The following ZNF611 variants were observed in gnomAD, a reference collection of about 807,000 sequenced individuals.
The protein encoded by ZNF611 is zinc finger protein 611.
Under a neutral mutation model 8.9 loss-of-function variants are expected in ZNF611, and 6 were observed. The observed-to-expected ratio is 0.68, with a 90% confidence interval of 0.37 to 1.34. ZNF611 has a LOEUF of 1.34. Ranked by LOEUF, ZNF611 falls within the 40% of genes most tolerant of loss-of-function variation. The pLI is 0.02. For missense variants in ZNF611, 874 were observed against 841.3 expected (o/e 1.04, Z -0.48); for synonymous variants, 262 against 279.7 (o/e 0.94, Z 0.63).
At chr19:52,721,686 A>G (rs965006173) in intron 3 of ZNF611, among the ~76,000 whole-genome samples, 3 of 150,498 alleles carry the variant, frequency 2.0e-5, no homozygotes, top group Non-Finnish European at 4.4e-5. Context: ...GGAAAGGGAG[A>G]GAGGGAGGGA....
intron 5 of ZNF611, among the ~76,000 whole-genome samples, chr19:52,713,543 T>C (rs2062294165): frequency 6.6e-6 from 1 of 152,142 alleles, no homozygotes; most frequent in African/African-American, 2.4e-5. Flanking sequence ...ATCATTAGTT[T>C]ATGGGATGAA....
chr19:52,725,807 A>ACATGGTGG (rs903617344), intron 3 of ZNF611, among the ~76,000 whole-genome samples: 3 of 152,090 alleles, frequency 2.0e-5, no homozygotes, highest in Non-Finnish European at 4.4e-5. Flanking sequence ...GGGCCCCCGA[A>ACATGGTGG]CATGGTGGCG....
At chr19:52,715,696 C>A (rs906382553) in intron 4 of ZNF611, 136 bp downstream of exon 4, 50 of 1,397,214 alleles carry the variant, frequency 3.6e-5, no homozygotes, top group Non-Finnish European at 4.2e-5. Context: ...CTGAGAGGAA[C>A]TGAGGGCAGG....
chr19:52,718,469 C>G (rs775788879), intron 3 of ZNF611, among the ~76,000 whole-genome samples: 1 of 151,992 alleles, frequency 6.6e-6, no homozygotes, highest in African/African-American at 2.4e-5. Context: ...CCTGCCACTG[C>G]ACTCCAGCCT....
intron 5 of ZNF611, among the ~76,000 whole-genome samples, chr19:52,712,972 T>C (rs899566052): frequency 5.3e-5 from 8 of 152,158 alleles, no homozygotes; most frequent in African/African-American, 1.9e-4. Flanking sequence ...GGCAACTGAA[T>C]CACGTCAGGC....
intron 1 of ZNF611, among the ~76,000 whole-genome samples, chr19:52,732,008 C>T (rs563331631): frequency 1.3e-5 from 2 of 150,332 alleles, no homozygotes; most frequent in East Asian, 2.0e-4. Context: ...GGGTGGCTCA[C>T]GCCTGTAATC....
rs2062268216 is a variant in ZNF611, at chr19:52,709,739, G to A, written c.191-2875C>T. 2.6e-5 allele frequency among the ~76,000 whole-genome samples: 4 copies of A among 151,818 alleles called. No homozygotes were observed. The South Asian group carries it at 8.3e-4, about 32-fold the overall frequency. On this transcript the variant is annotated intron_variant, in intron 5 of 5. Transcript: ENST00000652185. Reference sequence around the variant, plus strand: ...TGTGCCACCACTCCCGGCTAATTTTGTAGTTTTAGTAGAGATGTGGTTTCT... The same window carrying A: ...TGTGCCACCACTCCCGGCTAATTTTATAGTTTTAGTAGAGATGTGGTTTCT...
chr19:52,729,345 T>C (rs2062410497), intron 2 of ZNF611, among the ~76,000 whole-genome samples: 3 of 151,492 alleles, frequency 2.0e-5, no homozygotes, highest in African/African-American at 4.8e-5. Flanking sequence ...ATTACAAAAT[T>C]AGCCAGGCAT....
rs747209718 is a variant in ZNF611 at position 52,705,148 on chromosome 19, G to C, written c.1907C>G (p.Ser636Cys). 2.5e-6 allele frequency: 4 copies of C among 1,614,000 alleles called. No homozygotes were observed. Among genetic ancestry groups the C allele is most frequent in the East Asian group, 2.2e-5 (1 of 44,848 alleles). Residue 636 changes from serine to cysteine, a missense_variant, in exon 6 of 6, where the codon TCC becomes TGC. By Grantham distance (112) the Ser-to-Cys change is moderately radical. Coordinates refer to ENST00000652185, the MANE Select transcript of ZNF611 (RefSeq NM_001161499.2). Reference sequence around the variant, plus strand: ...ATGAAGTCTACGATGGTATATAAGGGATGAGCAGTGACGGAAGGTATTGCC... The same window carrying C: ...ATGAAGTCTACGATGGTATATAAGGCATGAGCAGTGACGGAAGGTATTGCC... ...ECGNTFRHCS[S>C]LIYHRRLHTG...
chr19:52,730,416 AAAAAAAAAC>A, intron 1 of ZNF611, among the ~76,000 whole-genome samples: 1 of 111,726 alleles, frequency 9.0e-6, no homozygotes, highest in African/African-American at 3.5e-5. Context: ...AAAAAAAAAA[AAAAAAAAAC>A]ATGATGTAGG....
At chr19:52,712,255 T>C (rs1406356054) in intron 5 of ZNF611, among the ~76,000 whole-genome samples, 1 of 151,272 alleles carries the variant, frequency 6.6e-6, no homozygotes, top group African/African-American at 2.4e-5. Context: ...AAGAGTACAG[T>C]AGAGCAATGT....
At chr19:52,721,700 G>A (rs1039846294) in intron 3 of ZNF611, among the ~76,000 whole-genome samples, 1 of 151,780 alleles carries the variant, frequency 6.6e-6, no homozygotes, top group Non-Finnish European at 1.5e-5. Flanking sequence ...GGAGGGAGAG[G>A]GAGAGGCAGA....
chr19:52,714,155 C>A lies in ZNF611; in HGVS notation c.64-14G>T, dbSNP rs767517727. 1.2e-6 allele frequency: 2 copies of A among 1,611,220 alleles called. No individual in the cohort carries two copies. The highest frequency in any genetic ancestry group is 2.7e-5 in the African/African-American group (2 of 74,698). ...AGTCAAGCGTCCCTAAAATGAAACA[C>A]ACATTTCAACAAAACATTATGGAGT... On this transcript the variant is annotated splice_polypyrimidine_tract_variant and intron_variant, in intron 4 of 5. Coordinates refer to ENST00000652185, the MANE Select transcript of ZNF611 (RefSeq NM_001161499.2).
At chr19:52,719,471 G>T (rs1165488148) in intron 3 of ZNF611, among the ~76,000 whole-genome samples, 1 of 152,116 alleles carries the variant, frequency 6.6e-6, no homozygotes, top group South Asian at 2.1e-4. Flanking sequence ...ATTATAAAAT[G>T]CACCACACTT....
At chr19:52,731,520 C>G (rs2062425631) in intron 1 of ZNF611, among the ~76,000 whole-genome samples, 1 of 152,002 alleles carries the variant, frequency 6.6e-6, no homozygotes, top group African/African-American at 2.4e-5. Flanking sequence ...TCTGCCATCA[C>G]TACCGGCTAA....
At position 52,706,026 on chromosome 19, in the gene ZNF611, G is replaced by A. The variant is rs1163201236; in HGVS notation, c.1029C>T (p.Tyr343=). ...DKAIDTGENP[Y]KCNECDKAFN... ...AAGCCTTGTCACATTCATTACACTT[G>A]TAAGGATTTTCTCCAGTATCAATTG... The change falls in exon 6 of 6, where the codon TAC becomes TAT. Residue 343 remains tyrosine, a synonymous_variant. Transcript: ENST00000652185. 2 of 1,614,154 alleles carry A rather than the reference G, an allele frequency of 1.2e-6. No homozygotes were observed. The highest frequency in any genetic ancestry group is 1.7e-6 in the Non-Finnish European group (2 of 1,180,026).
In ZNF611 at chr19:52,715,833, T is replaced by C. The variant is rs1460980601; in HGVS notation, c.62A>G (p.Gln21Arg). 1 of 1,612,120 alleles carries C rather than the reference T, an allele frequency of 6.2e-7. No individual in the cohort carries two copies. The highest frequency in any genetic ancestry group is 8.5e-7 in the Non-Finnish European group (1 of 1,179,822). The change falls in exon 4 of 6, where the codon CAG becomes CGG. Residue 21 changes from glutamine to arginine, a missense_variant and splice_region_variant. Transcript: ENST00000652185. ...ATCCACAGAGGAATATCACTTCACC[T>C]GAGGAAGAGCCATGCCTGGCTCCTT... is the stretch of plus-strand genomic sequence containing the variant. ...KGKEPGMALPQGRLTFRDVAI... is the reference protein window; with the variant it reads ...KGKEPGMALPRGRLTFRDVAI...
At chr19:52,732,887 G>C (rs532868859) in intron 1 of ZNF611, among the ~76,000 whole-genome samples, 1 of 151,994 alleles carries the variant, frequency 6.6e-6, no homozygotes, top group Non-Finnish European at 1.5e-5. Context: ...TTAAGAGGTC[G>C]AGGCTGCAGT....
At chr19:52,719,768 T>G (rs1261902658) in intron 3 of ZNF611, among the ~76,000 whole-genome samples, 2 of 152,222 alleles carry the variant, frequency 1.3e-5, no homozygotes, top group Non-Finnish European at 2.9e-5. Flanking sequence ...TTTTTTGTTT[T>G]GTTTTGTTTT....
Sources: allele counts gnomAD v4.1 joint callset (sites outside exome capture counted in the v4.1 genomes callset), GRCh38; gene constraint gnomAD v4.1.1; transcripts MANE v1.5; gene names NCBI Gene and HGNC (gene_info 2026-07-23, HGNC 2026-07-21).